Variants in FAM227A observed in about 807,000 individuals in gnomAD.
FAM227A encodes family with sequence similarity 227 member A.
A neutral mutation model predicts 74.7 loss-of-function variants in FAM227A; 80 were observed. That is an observed-to-expected ratio of 1.07 (90% CI 0.89 to 1.29). The LOEUF is 1.29. Among genes scored for constraint, FAM227A ranks in the 50% most tolerant of loss-of-function variants. FAM227A has a pLI of 0.00. For missense variants in FAM227A, 654 were observed against 683.4 expected, an observed-to-expected ratio of 0.96 and a Z score of 0.48; for synonymous variants, 237 against 241.8, an observed-to-expected ratio of 0.98 and a Z score of 0.19.
intron 11 of FAM227A, among the ~76,000 whole-genome samples, chr22:38,617,795 C>G (rs754833500): frequency 1.3e-5 from 2 of 152,038 alleles, no homozygotes; most frequent in South Asian, 2.1e-4. Flanking sequence ...GCTAGGAGTT[C>G]AAGACCAGCC....
chr22:38,592,045 T>G (rs1174609964), intron 15 of FAM227A, among the ~76,000 whole-genome samples: 2 of 151,234 alleles, frequency 1.3e-5, no homozygotes, highest in African/African-American at 4.9e-5. Flanking sequence ...GCCTCCTGGG[T>G]TCAAGCGATT....
At chr22:38,593,339 C>T (rs1173854760) in intron 15 of FAM227A, among the ~76,000 whole-genome samples, 2 of 152,112 alleles carry the variant, frequency 1.3e-5, no homozygotes, top group Non-Finnish European at 2.9e-5. Flanking sequence ...CCCGTCTCTA[C>T]TAAAAATACA....
chr22:38,621,308 C>T (rs1355107692), intron 10 of FAM227A, among the ~76,000 whole-genome samples: 3 of 148,482 alleles, frequency 2.0e-5, no homozygotes, highest in Non-Finnish European at 4.5e-5. Flanking sequence ...CGAGATCACG[C>T]CACTGCACTC....
At chr22:38,593,998 C>T (rs564418341) in intron 15 of FAM227A, among the ~76,000 whole-genome samples, 2 of 152,068 alleles carry the variant, frequency 1.3e-5, no homozygotes, top group Admixed American at 1.3e-4. Flanking sequence ...AGCCTTCTAC[C>T]TTATGTTTAA....
rs769920987 is a variant in FAM227A, at chr22:38,626,129, A to G, written c.850+51T>C. ...CAATAACATACCTAGGTGCCAGCGG[A>G]AAACATTTTTCTAGAATCGCTTTCC... On this transcript the variant is annotated intron_variant, in intron 9 of 16. Coordinates refer to ENST00000535113, the MANE Select transcript of FAM227A (RefSeq NM_001013647.2). 1.0e-5 allele frequency: 16 copies of G among 1,544,608 alleles called. 1 individual carries two copies. The South Asian group carries it at 1.9e-4, about 19-fold the overall frequency.
chr22:38,619,981 C>T (rs1297997175), intron 11 of FAM227A, among the ~76,000 whole-genome samples: 1 of 152,206 alleles, frequency 6.6e-6, no homozygotes, highest in East Asian at 1.9e-4. Flanking sequence ...CCTTCCCTCT[C>T]TCTTCTCAAT....
At chr22:38,595,946 C>T (rs1414585965) in intron 15 of FAM227A, among the ~76,000 whole-genome samples, 1 of 131,384 alleles carries the variant, frequency 7.6e-6, no homozygotes, top group Non-Finnish European at 1.6e-5. Context: ...CAAAAAAGTC[C>T]ATGTCATAAA....
At chr22:38,640,112 C>T (rs1192579954) in intron 3 of FAM227A, among the ~76,000 whole-genome samples, 1 of 152,050 alleles carries the variant, frequency 6.6e-6, no homozygotes, top group Non-Finnish European at 1.5e-5. Flanking sequence ...CGGCTCACTG[C>T]AAGCTCCGCC....
intron 9 of FAM227A, among the ~76,000 whole-genome samples, chr22:38,623,784 T>C (rs2145570574): frequency 6.6e-6 from 1 of 152,320 alleles, no homozygotes; most frequent in Admixed American, 6.5e-5. Context: ...CCTCCAGAGC[T>C]CTAGATCTGG....
rs989007924 is a variant in FAM227A, at chr22:38,628,878, T to C, written c.577A>G (p.Ile193Val). Residue 193 changes from isoleucine (I) to valine (V), a missense_variant, in exon 7 of 17, where the codon ATC (isoleucine) becomes GTC (valine). Ile to Val is a conservative substitution (Grantham distance 29). Transcript: ENST00000535113. ...KFLSSSSPRA[I>V]WLDSFWWIFH... ...ATCCACCAAAAGCTATCCAGCCAGA[T>C]GGCTCTTGGAGAAGAAGAAGAGAGA... is the stretch of plus-strand genomic sequence containing the variant. 25 of 1,548,028 alleles carry C rather than the reference T, an allele frequency of 1.6e-5. No homozygotes were observed. The highest frequency in any genetic ancestry group is 1.9e-5 in the Non-Finnish European group (22 of 1,145,034).
chr22:38,592,168 C>T (rs1310381853), intron 15 of FAM227A, among the ~76,000 whole-genome samples: 1 of 151,890 alleles, frequency 6.6e-6, no homozygotes, highest in Non-Finnish European at 1.5e-5. Flanking sequence ...AGGATGGTCT[C>T]GATTTCCTGA....
intron 9 of FAM227A, among the ~76,000 whole-genome samples, chr22:38,624,914 GTTC>G (rs1163848604): frequency 6.6e-6 from 1 of 152,178 alleles, no homozygotes; most frequent in Non-Finnish European, 1.5e-5. Context: ...AGACCTATGA[GTTC>G]TTCTAGCAAA....
chr22:38,594,793 T>C (rs1195936026), intron 15 of FAM227A, among the ~76,000 whole-genome samples: 2 of 151,786 alleles, frequency 1.3e-5, no homozygotes, highest in Non-Finnish European at 2.9e-5. Flanking sequence ...AAACCCAGTC[T>C]CTACTAAAAA....
chr22:38,591,936 C>T (rs2090946239), intron 15 of FAM227A, among the ~76,000 whole-genome samples: 1 of 151,760 alleles, frequency 6.6e-6, no homozygotes, highest in Non-Finnish European at 1.5e-5. Flanking sequence ...ATGAGCTTCT[C>T]AACAATATCT....
intron 11 of FAM227A, among the ~76,000 whole-genome samples, chr22:38,614,227 C>G (rs2091528917): frequency 6.6e-6 from 1 of 152,148 alleles, no homozygotes; most frequent in Non-Finnish European, 1.5e-5. Flanking sequence ...AATATCCTGC[C>G]TGCTGCTCTT....
chr22:38,645,567 C>A lies in FAM227A; in HGVS notation c.221G>T (p.Ser74Ile), dbSNP rs1331659421. ...GCTCCAGCATAGGTAACTCACCAGGCTGTTGGCCGACGGCTCGGTACGCAG... is the reference window on the plus strand; with the variant it reads ...GCTCCAGCATAGGTAACTCACCAGGATGTTGGCCGACGGCTCGGTACGCAG... ...INLRTEPSAN[S>I]LAIERFELEK... Residue 74 changes from serine to isoleucine, a missense_variant, in exon 3 of 17, where the codon AGC becomes ATC. By Grantham distance (142) the Ser-to-Ile change is moderately radical (BLOSUM62 -2). Coordinates refer to ENST00000535113, the MANE Select transcript of FAM227A (RefSeq NM_001013647.2). 3.2e-6 allele frequency: 5 copies of A among 1,550,956 alleles called. No homozygotes were observed. Among genetic ancestry groups the A allele is most frequent in the Non-Finnish European group, 4.4e-6 (5 of 1,146,428 alleles).
chr22:38,611,445 ATATC>A (rs1164920530), intron 11 of FAM227A, among the ~76,000 whole-genome samples: 1 of 152,150 alleles, frequency 6.6e-6, no homozygotes, highest in Non-Finnish European at 1.5e-5. Flanking sequence ...GACACTGACT[ATATC>A]TATGCTGTTG....
intron 1 of FAM227A, among the ~76,000 whole-genome samples, chr22:38,654,341 C>T (rs946316267): frequency 1.3e-5 from 2 of 150,316 alleles, no homozygotes; most frequent in African/African-American, 2.5e-5. Flanking sequence ...GAGCAAAACT[C>T]GGTCTCAAAA....
chr22:38,623,070 T>G (rs1228471529), intron 10 of FAM227A, 102 bp downstream of exon 10: 9 of 794,850 alleles, frequency 1.1e-5, no homozygotes, highest in Non-Finnish European at 1.9e-5. Context: ...GAGAGAGAAC[T>G]TGACCTGAGG....
Sources: gnomAD v4.1 joint callset for allele counts (sites outside exome capture counted in the v4.1 genomes callset) on GRCh38, gnomAD v4.1.1 for gene constraint, MANE v1.5 for transcripts, NCBI Gene and HGNC (gene_info 2026-07-23, HGNC 2026-07-21) for gene names.